WDFY4: variants seen among roughly 807,000 people sequenced by gnomAD.
WDFY4 encodes the protein WDFY family member 4.
WDFY4 carries 169 observed loss-of-function variants against 351.9 expected under a neutral mutation model. The ratio of observed to expected loss-of-function variants is 0.48; its 90% CI spans 0.42 to 0.55. The LOEUF (loss-of-function observed/expected upper bound fraction) is 0.55, where lower values mean the gene tolerates loss of function less well. Among genes scored for constraint, WDFY4 ranks in the 20% least tolerant of loss-of-function variants. The probability of loss-of-function intolerance (pLI) is 0.00; values close to 1 mark genes in which losing one functional copy is unlikely to be tolerated. For synonymous variants in WDFY4, 1,622 were observed against 1,574.6 expected (o/e 1.03, Z -0.71); for missense variants, 3,803 against 3,935.6 (o/e 0.97, Z 0.90).
At chr10:48,905,541 T>C (rs35796772) in intron 47 of WDFY4, among the ~76,000 whole-genome samples, 20,767 of 152,244 alleles carry the variant, frequency 0.14, 1,584 homozygotes, top group Middle Eastern at 0.21. Flanking sequence ...AGCAGGGTCT[T>C]CCAGGGCTAT....
intron 12 of WDFY4, among the ~76,000 whole-genome samples, chr10:48,744,474 C>T (rs921628762): frequency 6.6e-6 from 1 of 152,164 alleles, no homozygotes; most frequent in East Asian, 1.9e-4. Flanking sequence ...CCAACTCATT[C>T]ATAATCTGTG....
At chr10:48,826,156 T>C (rs2067993182) in intron 35 of WDFY4, among the ~76,000 whole-genome samples, 1 of 152,210 alleles carries the variant, frequency 6.6e-6, no homozygotes, top group Non-Finnish European at 1.5e-5. Context: ...AGGGGTCCAG[T>C]TTCGATTTTC....
intron 48 of WDFY4, among the ~76,000 whole-genome samples, chr10:48,942,379 C>CGTGT (rs3081534): frequency 0.016 from 2,453 of 151,114 alleles, 41 homozygotes; most frequent in African/African-American, 0.041. Flanking sequence ...TGCGTGTGTG[C>CGTGT]GTGTGTGTGT....
At chr10:48,719,429 C>T (rs893338132) in intron 2 of WDFY4, among the ~76,000 whole-genome samples, 2 of 152,186 alleles carry the variant, frequency 1.3e-5, no homozygotes, top group Admixed American at 1.3e-4. Context: ...AACCTGTCTG[C>T]TCACGGGAGG....
intron 4 of WDFY4, among the ~76,000 whole-genome samples, 163 bp from the exon 5 acceptor site, chr10:48,723,270 T>C (rs2132289182): frequency 6.6e-6 from 1 of 151,712 alleles, no homozygotes; most frequent in East Asian, 2.0e-4. Flanking sequence ...ACAGCCACCC[T>C]AGGTGCATCC....
intron 12 of WDFY4, among the ~76,000 whole-genome samples, chr10:48,757,745 G>T (rs1285425008): frequency 6.6e-5 from 10 of 150,572 alleles, no homozygotes; most frequent in African/African-American, 2.4e-4. Flanking sequence ...TGAATTTTTT[G>T]ACTCTCCTTT....
intron 47 of WDFY4, among the ~76,000 whole-genome samples, chr10:48,925,597 C>T (rs2133627303): frequency 6.6e-6 from 1 of 152,346 alleles, no homozygotes; most frequent in Admixed American, 6.5e-5. Context: ...GTGAGCACTG[C>T]TTCCCTGTGG....
chr10:48,883,865 A>G lies in WDFY4; in HGVS notation c.7167+6666A>G, dbSNP rs187952374. The G allele has an allele frequency of 1.1e-3, 160 of 152,280 alleles. 1 individual carries two copies. Among genetic ancestry groups the G allele is most frequent in the African/African-American group, 3.7e-3 (155 of 41,540 alleles). 9.4% of individuals were successfully genotyped at this position (152,280 alleles called of 1,614,324 possible). A position where few individuals can be genotyped will look rare whatever the true frequency, so the allele number is the denominator to read the frequency against. On this transcript the variant is annotated intron_variant, in intron 43 of 61. Transcript: ENST00000325239. The stretch of plus-strand genomic sequence containing the variant: ...CTGGTTGCCTCTAGTGATACCTGGG[A>G]TGGTAATTATTCAACTATTCTGTGC...
chr10:48,806,921 G>A (rs1016683399), intron 27 of WDFY4, among the ~76,000 whole-genome samples: 2 of 152,316 alleles, frequency 1.3e-5, no homozygotes, highest in Non-Finnish European at 2.9e-5. Context: ...ATTGGACAAG[G>A]TAGATATAAA....
intron 1 of WDFY4, among the ~76,000 whole-genome samples, chr10:48,702,271 CT>C (rs775262834): frequency 6.6e-6 from 1 of 152,082 alleles, no homozygotes; most frequent in Non-Finnish European, 1.5e-5. Flanking sequence ...CTCAGAACTG[CT>C]ACTAAATAGC....
intron 33 of WDFY4, 40 bp from the exon 34 acceptor site, chr10:48,821,022 G>A (rs1226621409): frequency 3.5e-6 from 5 of 1,443,116 alleles, no homozygotes; most frequent in Non-Finnish European, 4.8e-6. Context: ...GCACACGATG[G>A]CCCTGTGGTT....
chr10:48,729,344 A>G (rs1455309478), intron 7 of WDFY4, 88 bp from the exon 8 acceptor site: 25 of 1,501,760 alleles, frequency 1.7e-5, no homozygotes, highest in Middle Eastern at 2.4e-4. Flanking sequence ...GCAGATCCCC[A>G]TTGGCTCTGT....
chr10:48,961,887 G>C (rs569934835), intron 53 of WDFY4, among the ~76,000 whole-genome samples: 1 of 152,252 alleles, frequency 6.6e-6, no homozygotes, highest in South Asian at 2.1e-4. Flanking sequence ...GATAAGGACT[G>C]AGGAGACACC....
At chr10:48,726,200 G>T in intron 6 of WDFY4, 130 bp downstream of exon 6, 1 of 1,137,940 alleles carries the variant, frequency 8.8e-7, no homozygotes, top group Non-Finnish European at 1.2e-6. Flanking sequence ...TAGAATTTTG[G>T]GACCAAAGAA....
chr10:48,845,013 C>T (rs1296516409), intron 39 of WDFY4, among the ~76,000 whole-genome samples: 1 of 152,210 alleles, frequency 6.6e-6, no homozygotes, highest in Non-Finnish European at 1.5e-5. Flanking sequence ...GAGCGGCCCT[C>T]CAACATCTGG....
intron 47 of WDFY4, among the ~76,000 whole-genome samples, chr10:48,926,803 G>C (rs1026733910): frequency 2.0e-5 from 3 of 152,154 alleles, no homozygotes; most frequent in Admixed American, 2.0e-4. Flanking sequence ...ACAGTTTATG[G>C]GGCACACATA....
At chr10:48,964,154 G>A (rs991614812) in intron 54 of WDFY4, 100 bp downstream of exon 54, 22 of 1,316,488 alleles carry the variant, frequency 1.7e-5, no homozygotes, top group South Asian at 9.4e-5. Context: ...GGCTGAAGAG[G>A]TGAAATGGTC....
chr10:48,976,956 G>T lies in WDFY4; in HGVS notation c.9268G>T (p.Gly3090Trp). Residue 3090 changes from glycine (G) to tryptophan (W), a missense_variant, in exon 59 of 62, where the codon GGG (glycine) becomes TGG (tryptophan). Coordinates refer to ENST00000325239, the MANE Select transcript of WDFY4 (RefSeq NM_001394531.1). ...AWDTSQIIIT[G>W]SQDGMVRVWK... The stretch of plus-strand genomic sequence containing the variant: ...GGACACAAGCCAGATCATCATCACC[G>T]GGAGTCAAGACGGCATGGTCCGGGT... 3 of 1,490,724 alleles carry T rather than the reference G, an allele frequency of 2.0e-6. No homozygotes were observed. Among genetic ancestry groups the T allele is most frequent in the Non-Finnish European group, 1.8e-6 (2 of 1,113,212 alleles). The allele number at this position is 1,490,724 out of a possible 1,614,324, so 92.3% of individuals were successfully genotyped here.
chr10:48,965,125 A>G (rs996436166), intron 54 of WDFY4, among the ~76,000 whole-genome samples: 4 of 152,218 alleles, frequency 2.6e-5, no homozygotes, highest in Non-Finnish European at 5.9e-5. Flanking sequence ...ATATATAATA[A>G]TACAAAGCAA....
Sources: allele counts gnomAD v4.1 joint callset (sites outside exome capture counted in the v4.1 genomes callset), GRCh38; gene constraint gnomAD v4.1.1; transcripts MANE v1.5; gene names NCBI Gene and HGNC (gene_info 2026-07-23, HGNC 2026-07-21).